DPP6: variants seen among roughly 807,000 people sequenced by gnomAD.
DPP6 encodes dipeptidyl peptidase like 6.
In DPP6, 69 loss-of-function variants were observed where a neutral mutation model predicts 122.6. The observed-to-expected ratio is 0.56, with a 90% confidence interval of 0.46 to 0.69. The LOEUF (loss-of-function observed/expected upper bound fraction) is 0.69. DPP6 is among the 30% of genes least tolerant of loss of function. DPP6 has a pLI of 0.00. For missense variants in DPP6, 928 were observed against 1,116.9 expected, an observed-to-expected ratio of 0.83 and a Z score of 2.41; for synonymous variants, 418 against 433.1, an observed-to-expected ratio of 0.97 and a Z score of 0.43.
chr7:154,175,155 A>G (rs943945572), intron 1 of DPP6, among the ~76,000 whole-genome samples: 3 of 152,030 alleles, frequency 2.0e-5, no homozygotes, highest in East Asian at 1.9e-4. Flanking sequence ...TGCCCATCAC[A>G]TAAAAGACGT....
the DPP6 span, among the ~76,000 whole-genome samples, chr7:153,811,833 A>G: frequency 1.3e-5 from 2 of 152,104 alleles, no homozygotes; most frequent in Non-Finnish European, 2.9e-5. Context: ...GATTCTTTAC[A>G]TGAATTCTCA....
At chr7:153,916,411 C>A in intron 1 of DPP6, among the ~76,000 whole-genome samples, 1 of 127,524 alleles carries the variant, frequency 7.8e-6, no homozygotes, top group South Asian at 3.2e-4. Context: ...CCCCTCCTCT[C>A]TCCTCCCCTC....
intron 6 of DPP6, among the ~76,000 whole-genome samples, chr7:154,660,590 A>G (rs1837589037): frequency 2.3e-5 from 3 of 130,584 alleles, no homozygotes; most frequent in Admixed American, 1.5e-4. Context: ...TAGTGTTCAT[A>G]TAGTCATGGT....
intron 10 of DPP6, among the ~76,000 whole-genome samples, chr7:154,791,553 A>T (rs1241487021): frequency 1.3e-5 from 2 of 152,202 alleles, no homozygotes; most frequent in African/African-American, 4.8e-5. Context: ...CGCCCTTGAC[A>T]TGTGGGGATT....
At chr7:154,035,821 G>C (rs1003507881) in intron 1 of DPP6, among the ~76,000 whole-genome samples, 1 of 152,182 alleles carries the variant, frequency 6.6e-6, no homozygotes, top group Admixed American at 6.5e-5. Flanking sequence ...TTTTTACATA[G>C]TAGTACCGTA....
intron 3 of DPP6, among the ~76,000 whole-genome samples, chr7:154,522,015 A>G (rs896055560): frequency 6.6e-6 from 1 of 151,724 alleles, no homozygotes; most frequent in East Asian, 1.9e-4. Flanking sequence ...CGCAGGCTGG[A>G]GTGCAGTGGC....
chr7:153,876,040 C>T, the DPP6 span, among the ~76,000 whole-genome samples: 172 of 151,556 alleles, frequency 1.1e-3, no homozygotes, highest in African/African-American at 3.9e-3. Flanking sequence ...AGAAATGACA[C>T]ATTTCTAAAT....
intron 1 of DPP6, among the ~76,000 whole-genome samples, chr7:154,355,965 A>G (rs1811240127): frequency 6.6e-6 from 1 of 152,182 alleles, no homozygotes; most frequent in African/African-American, 2.4e-5. Context: ...CAATCCATGA[A>G]TGTGATGTAC....
chr7:153,847,304 C>T, the DPP6 span, among the ~76,000 whole-genome samples: 1 of 152,178 alleles, frequency 6.6e-6, no homozygotes, highest in East Asian at 1.9e-4. Flanking sequence ...TCTTCACTCA[C>T]TTATGGCTAT....
the DPP6 span, among the ~76,000 whole-genome samples, chr7:153,841,263 C>T: frequency 3.3e-5 from 5 of 152,144 alleles, no homozygotes; most frequent in African/African-American, 1.2e-4. Flanking sequence ...GATGCATTGT[C>T]GTTTTGAAAG....
intron 1 of DPP6, among the ~76,000 whole-genome samples, chr7:154,089,852 T>A (rs1804680547): frequency 1.3e-5 from 2 of 152,168 alleles, no homozygotes; most frequent in Non-Finnish European, 2.9e-5. Flanking sequence ...ACTAGCACAA[T>A]TATCAAGTGT....
intron 1 of DPP6, among the ~76,000 whole-genome samples, chr7:154,389,718 GC>G (rs869047775): frequency 3.1e-5 from 3 of 97,758 alleles, no homozygotes; most frequent in East Asian, 3.3e-4. Context: ...TTGCATTCTG[GC>G]AGTCCTCAAA....
chr7:154,381,759 A>C (rs1305443076), intron 1 of DPP6, among the ~76,000 whole-genome samples: 3 of 152,182 alleles, frequency 2.0e-5, no homozygotes, highest in Admixed American at 2.0e-4. Flanking sequence ...GTATGTATCC[A>C]TGTATGTGTC....
At chr7:153,754,238 T>G in the DPP6 span, among the ~76,000 whole-genome samples, 7 of 152,200 alleles carry the variant, frequency 4.6e-5, no homozygotes, top group East Asian at 1.9e-4. Context: ...ATGCATTTTT[T>G]TTTGTGTGTG....
At chr7:154,629,553 G>A (rs1330741511) in intron 5 of DPP6, among the ~76,000 whole-genome samples, 1 of 151,956 alleles carries the variant, frequency 6.6e-6, no homozygotes, top group Admixed American at 6.6e-5. Context: ...CCAGCCATGG[G>A]GTTCTTGATT....
At chr7:154,588,040 C>T in intron 5 of DPP6, 1 of 1,611,220 alleles carries the variant, frequency 6.2e-7, no homozygotes, top group Non-Finnish European at 8.5e-7. Context: ...GGGGATAATG[C>T]ACAGCAGCTA....
At chr7:153,946,096 A>G (rs1028197459) in intron 1 of DPP6, among the ~76,000 whole-genome samples, 1 of 152,164 alleles carries the variant, frequency 6.6e-6, no homozygotes, top group Non-Finnish European at 1.5e-5. Flanking sequence ...CACAGAATAC[A>G]GCTGTTACTG....
chr7:154,802,836 C>CAAAA (rs537624311), intron 13 of DPP6, among the ~76,000 whole-genome samples: 3 of 110,912 alleles, frequency 2.7e-5, no homozygotes, highest in South Asian at 2.9e-4. Flanking sequence ...GACACTGTCT[C>CAAAA]AAAAAAAAAA....
chr7:154,200,002 C>T (rs1799087153), intron 1 of DPP6, among the ~76,000 whole-genome samples: 1 of 152,150 alleles, frequency 6.6e-6, no homozygotes, highest in African/African-American at 2.4e-5. Flanking sequence ...GGCTGCTGGG[C>T]TTAGCAGTCT....
Sources: allele counts gnomAD v4.1 joint callset (sites outside exome capture counted in the v4.1 genomes callset), GRCh38; gene constraint gnomAD v4.1.1; transcripts MANE v1.5; gene names NCBI Gene and HGNC (gene_info 2026-07-23, HGNC 2026-07-21).